The following MEI4 variants were observed in gnomAD, a reference collection of about 807,000 sequenced individuals.
MEI4 encodes the protein meiotic double-stranded break formation protein 4, also known as meiosis-specific protein MEI4.
Under a neutral mutation model 31.4 loss-of-function variants are expected in MEI4, and 27 were observed. The observed-to-expected ratio is 0.86, with a 90% CI of 0.63 to 1.19. MEI4 has a LOEUF of 1.19. Ranked by LOEUF, MEI4 falls within the 50% of genes most tolerant of loss-of-function variation. MEI4 has a pLI of 0.00. For synonymous variants in MEI4, 122 were observed against 145.4 expected, an observed-to-expected ratio of 0.84 and a Z score of 1.16; for missense variants, 329 against 398.9, an observed-to-expected ratio of 0.82 and a Z score of 1.49.
At chr6:77,660,381 T>G (rs1768481502) in intron 1 of MEI4, among the ~76,000 whole-genome samples, 1 of 152,106 alleles carries the variant, frequency 6.6e-6, no homozygotes, top group Admixed American at 6.6e-5. Context: ...CTATCCACTC[T>G]AAGAGGGAGT....
chr6:77,881,203 G>A (rs974214003), intron 4 of MEI4, among the ~76,000 whole-genome samples: 1 of 151,794 alleles, frequency 6.6e-6, no homozygotes, highest in African/African-American at 2.4e-5. Flanking sequence ...TGTTCAAAAT[G>A]TTGTGGTAAA....
At chr6:77,913,975 A>C (rs1303954729) in intron 4 of MEI4, among the ~76,000 whole-genome samples, 1 of 150,206 alleles carries the variant, frequency 6.7e-6, no homozygotes, top group African/African-American at 2.4e-5. Flanking sequence ...TGGAGCTTGC[A>C]GTGAGCCAAG....
chr6:77,920,601 C>T (rs535784126), intron 4 of MEI4, among the ~76,000 whole-genome samples: 2 of 151,930 alleles, frequency 1.3e-5, no homozygotes, highest in South Asian at 2.1e-4. Context: ...GAATCCCTTC[C>T]GGAAGGTTTC....
At chr6:77,680,770 G>T (rs915473061) in intron 1 of MEI4, among the ~76,000 whole-genome samples, 1 of 152,120 alleles carries the variant, frequency 6.6e-6, no homozygotes, top group African/African-American at 2.4e-5. Context: ...TTGTAAAATG[G>T]AGCCCTGAGA....
chr6:77,775,803 C>T (rs1039440698), intron 3 of MEI4, among the ~76,000 whole-genome samples: 4 of 152,068 alleles, frequency 2.6e-5, no homozygotes, highest in African/African-American at 9.7e-5. Flanking sequence ...TACTAGTTTC[C>T]GTTCCCACCA....
At chr6:77,784,117 A>G (rs1014981808) in intron 3 of MEI4, among the ~76,000 whole-genome samples, 9 of 152,110 alleles carry the variant, frequency 5.9e-5, no homozygotes, top group African/African-American at 2.2e-4. Flanking sequence ...AGCCAGACCC[A>G]CTGAATCTCT....
At chr6:77,720,418 G>T (rs1766685404) in intron 2 of MEI4, among the ~76,000 whole-genome samples, 1 of 39,920 alleles carries the variant, frequency 2.5e-5, no homozygotes, top group Admixed American at 3.3e-4. Context: ...ATTTTTTCTG[G>T]AACTCCCATT....
chr6:77,883,677 G>A (rs1313156565), intron 4 of MEI4, among the ~76,000 whole-genome samples: 1 of 110,002 alleles, frequency 9.1e-6, no homozygotes, highest in Non-Finnish European at 1.8e-5. Flanking sequence ...TGTTATGTAT[G>A]TTTATATACA....
chr6:77,909,353 C>T (rs1413424151), intron 4 of MEI4, among the ~76,000 whole-genome samples: 1 of 151,926 alleles, frequency 6.6e-6, no homozygotes, highest in Non-Finnish European at 1.5e-5. Context: ...CAAACAAACG[C>T]AATAAAAAAT....
At chr6:77,744,398 G>A (rs1440881652) in intron 2 of MEI4, among the ~76,000 whole-genome samples, 1 of 152,082 alleles carries the variant, frequency 6.6e-6, no homozygotes, top group African/African-American at 2.4e-5. Context: ...ATGAAATGAA[G>A]CGACAAGAGA....
At position 77,659,558 on chromosome 6, in the gene MEI4, C is replaced by T. The variant is rs552500034; in HGVS notation, c.-15+6466C>T. Among the ~76,000 whole-genome samples the T allele has an allele frequency of 2.6e-4, 40 of 152,020 alleles. 1 individual carries two copies. The highest frequency in any genetic ancestry group is 6.8e-4 in the African/African-American group (28 of 41,376). On this transcript the variant is annotated intron_variant, in intron 1 of 4. Coordinates refer to ENST00000684080, the MANE Select transcript of MEI4 (RefSeq NM_001322247.2). ...TGTATGAGAAAACGTTGAGTATCTA[C>T]GAGCAACCTTTCACTGTTATTTTTG...
At chr6:77,902,341 C>T (rs893725152) in intron 4 of MEI4, among the ~76,000 whole-genome samples, 4 of 152,032 alleles carry the variant, frequency 2.6e-5, no homozygotes, top group Non-Finnish European at 5.9e-5. Flanking sequence ...GTCCATGAAC[C>T]ACAGGCATCT....
chr6:77,766,657 C>A (rs2127684715), intron 3 of MEI4, among the ~76,000 whole-genome samples: 1 of 152,200 alleles, frequency 6.6e-6, no homozygotes, highest in East Asian at 1.9e-4. Flanking sequence ...CGTGATCCGC[C>A]CACCTCGGCC....
chr6:77,891,638 C>A (rs185931990), intron 4 of MEI4, among the ~76,000 whole-genome samples: 47 of 152,000 alleles, frequency 3.1e-4, no homozygotes, highest in African/African-American at 1.1e-3. Flanking sequence ...TTGTTGGGAT[C>A]ATTTAACGAA....
At chr6:77,652,567 T>C (rs918339522), upstream of MEI4, among the ~76,000 whole-genome samples, 1 of 152,174 alleles carries the variant, frequency 6.6e-6, no homozygotes, top group Non-Finnish European at 1.5e-5. Flanking sequence ...ATGGAAAAGG[T>C]ACAAAGGTTT....
At chr6:77,735,962 G>A (rs1767193142) in intron 2 of MEI4, among the ~76,000 whole-genome samples, 1 of 152,034 alleles carries the variant, frequency 6.6e-6, no homozygotes, top group Middle Eastern at 3.2e-3. Context: ...CAGGGGTCAG[G>A]GACCCACTTG....
At chr6:77,749,941 C>T (rs558392455) in intron 2 of MEI4, among the ~76,000 whole-genome samples, 1 of 152,186 alleles carries the variant, frequency 6.6e-6, no homozygotes, top group African/African-American at 2.4e-5. Context: ...TCCTACAAGC[C>T]AGAAGAGAGT....
chr6:77,686,048 G>C (rs539488077), intron 1 of MEI4, among the ~76,000 whole-genome samples: 8 of 152,150 alleles, frequency 5.3e-5, no homozygotes, highest in Middle Eastern at 6.8e-3. Flanking sequence ...TTGTGAAAAA[G>C]AGTCTGGGAC....
intron 3 of MEI4, among the ~76,000 whole-genome samples, chr6:77,782,575 TTC>T (rs567274786): frequency 4.9e-4 from 75 of 152,150 alleles, no homozygotes; most frequent in Non-Finnish European, 8.1e-4. Flanking sequence ...TTTTTATTTT[TTC>T]ATAAGGGAAA....
Sources: gnomAD v4.1 joint callset for allele counts (sites outside exome capture counted in the v4.1 genomes callset) on GRCh38, gnomAD v4.1.1 for gene constraint, MANE v1.5 for transcripts, NCBI Gene and HGNC (gene_info 2026-07-23, HGNC 2026-07-21) for gene names.